Variants in CERS3 observed in about 807,000 individuals in gnomAD.
The protein encoded by CERS3 is LAG1 homolog, ceramide synthase 3.
CERS3 carries 33 observed loss-of-function variants against 50.3 expected under a neutral mutation model. The observed-to-expected ratio is 0.66, with a 90% CI of 0.50 to 0.88. The LOEUF (loss-of-function observed/expected upper bound fraction) is 0.88. Among genes scored for constraint, CERS3 ranks in the 40% least tolerant of loss-of-function variants. The probability of loss-of-function intolerance (pLI) is 0.00; values close to 1 mark genes in which losing one functional copy is unlikely to be tolerated. For synonymous variants in CERS3, 176 were observed against 155.2 expected (o/e 1.13, Z -0.99); for missense variants, 470 against 460.3 (o/e 1.02, Z -0.19).
chr15:100,470,567 G>C (rs1567642251), intron 9 of CERS3, among the ~76,000 whole-genome samples: 1 of 152,108 alleles, frequency 6.6e-6, no homozygotes, highest in Non-Finnish European at 1.5e-5. Context: ...GGGCTAGCTG[G>C]GTGGGAAGCA....
At chr15:100,410,178 T>C (rs1019485544) in intron 11 of CERS3, among the ~76,000 whole-genome samples, 129 of 152,296 alleles carry the variant, frequency 8.5e-4, no homozygotes, top group African/African-American at 3.1e-3. Flanking sequence ...CTTTTAGAAG[T>C]CTCTGCCCCC....
intron 11 of CERS3, among the ~76,000 whole-genome samples, chr15:100,425,256 C>T (rs937780056): frequency 3.3e-5 from 5 of 152,188 alleles, no homozygotes. Context: ...GCCACAGTCC[C>T]CCAGACCCCA....
chr15:100,418,829 C>G (rs931762767), intron 11 of CERS3, among the ~76,000 whole-genome samples: 5 of 148,878 alleles, frequency 3.4e-5, no homozygotes, highest in African/African-American at 1.2e-4. Context: ...TCCAGCCAAA[C>G]TAAGCTTCAT....
At chr15:100,512,052 A>G (rs4965666) in intron 2 of CERS3, among the ~76,000 whole-genome samples, 142 of 2,394 alleles carry the variant, frequency 0.059, 37 homozygotes, top group East Asian at 0.18. Flanking sequence ...TACATGCCCT[A>G]GAGAGGAGCA....
chr15:100,442,795 G>C (rs1240874703), intron 11 of CERS3, among the ~76,000 whole-genome samples: 1 of 152,220 alleles, frequency 6.6e-6, no homozygotes, highest in Non-Finnish European at 1.5e-5. Context: ...AAGCCCCCTA[G>C]ACCATCACGG....
chr15:100,513,928 C>T (rs934019267), intron 2 of CERS3, among the ~76,000 whole-genome samples: 1 of 152,338 alleles, frequency 6.6e-6, no homozygotes, highest in East Asian at 1.9e-4. Flanking sequence ...AGATCCTCAT[C>T]TAGTCTTTCC....
chr15:100,459,265 A>T (rs961625157), intron 10 of CERS3, among the ~76,000 whole-genome samples: 1 of 152,184 alleles, frequency 6.6e-6, no homozygotes, highest in African/African-American at 2.4e-5. Context: ...AATGTTCATT[A>T]TATTAGAAAG....
At chr15:100,503,824 TG>T in intron 2 of CERS3, 1 of 458,690 alleles carries the variant, frequency 2.2e-6, no homozygotes, top group Non-Finnish European at 4.5e-6. Context: ...GCCAGAGCAG[TG>T]GGGACCAGAG....
intron 11 of CERS3, among the ~76,000 whole-genome samples, chr15:100,430,806 T>G (rs1240360681): frequency 6.6e-6 from 1 of 152,222 alleles, no homozygotes; most frequent in East Asian, 1.9e-4. Context: ...GTTGACAAGG[T>G]CACAGAAAAA....
chr15:100,441,196 C>T (rs1464215037), intron 11 of CERS3, among the ~76,000 whole-genome samples: 1 of 152,042 alleles, frequency 6.6e-6, no homozygotes, highest in African/African-American at 2.4e-5. Context: ...CCTCTTATCT[C>T]TGCGCCCTGA....
At chr15:100,470,972 T>C (rs904121403) in intron 9 of CERS3, among the ~76,000 whole-genome samples, 1 of 152,162 alleles carries the variant, frequency 6.6e-6, no homozygotes, top group African/African-American at 2.4e-5. Flanking sequence ...TAGAACTTGA[T>C]TGTGAAAACA....
chr15:100,533,236 C>T (rs2036983520), upstream of CERS3, among the ~76,000 whole-genome samples: 1 of 152,200 alleles, frequency 6.6e-6, no homozygotes, highest in South Asian at 2.1e-4. Flanking sequence ...TCATTTTCCT[C>T]CACGTCACCT....
chr15:100,505,704 T>C (rs2036156022), intron 2 of CERS3, among the ~76,000 whole-genome samples: 1 of 152,198 alleles, frequency 6.6e-6, no homozygotes, highest in Non-Finnish European at 1.5e-5. Context: ...CAAAGCCTTG[T>C]TATATATCAA....
At chr15:100,411,088 C>T (rs1178352949) in intron 11 of CERS3, among the ~76,000 whole-genome samples, 2 of 152,176 alleles carry the variant, frequency 1.3e-5, no homozygotes, top group South Asian at 4.1e-4. Flanking sequence ...TTGTAATTGG[C>T]TTATTTCACT....
rs570559623 is a variant in CERS3, at chr15:100,469,669, G to A, written c.739-185C>T. Among the ~76,000 whole-genome samples, 14 of 152,198 alleles carry A rather than the reference G, an allele frequency of 9.2e-5. No homozygotes were observed. In the South Asian group the frequency reaches 2.3e-3, roughly 25 times the overall value. On this transcript the variant is annotated intron_variant, in intron 9 of 11. Coordinates refer to ENST00000679737, the MANE Select transcript of CERS3 (RefSeq NM_001378789.1). ...TATTGATAACTGCTAAAGCTGATGGGTCCATTATATGATTCCCTTTATCTT... is the reference window on the plus strand; with the variant it reads ...TATTGATAACTGCTAAAGCTGATGGATCCATTATATGATTCCCTTTATCTT...
chr15:100,483,234 T>C (rs2035368466), intron 5 of CERS3, among the ~76,000 whole-genome samples: 2 of 152,194 alleles, frequency 1.3e-5, no homozygotes, highest in African/African-American at 4.8e-5. Flanking sequence ...AAACATGATG[T>C]TGTATCTGCT....
chr15:100,516,896 CAA>C (rs1350987983), intron 2 of CERS3, among the ~76,000 whole-genome samples: 1 of 152,248 alleles, frequency 6.6e-6, no homozygotes, highest in Non-Finnish European at 1.5e-5. Flanking sequence ...CCTCAGCAAA[CAA>C]GAGTAGGATT....
Position 100,534,402 on chromosome 15 carries a change from A to G in CERS3, c.-354-5327T>C, listed in dbSNP as rs28674040. ...TGAATGAGTTAATATATTGAAAAGC[A>G]CTTAGAACAATACCTGGCTCAGAGC... On this transcript the variant is annotated intron_variant, in intron 1 of 12. Transcript: ENST00000284382. Among the ~76,000 whole-genome samples, 605 of 152,142 alleles carry G rather than the reference A, an allele frequency of 4.0e-3. 4 individuals carry two copies. Among genetic ancestry groups the G allele is most frequent in the African/African-American group, 0.014 (568 of 41,544 alleles).
intron 11 of CERS3, 90 bp from the exon 12 acceptor site, chr15:100,402,955 C>T: frequency 1.5e-6 from 2 of 1,310,936 alleles, no homozygotes; most frequent in Non-Finnish European, 2.1e-6. Flanking sequence ...AGTATGGCTC[C>T]CTTTAAGGAA....
Sources: gnomAD v4.1 joint callset for allele counts (sites outside exome capture counted in the v4.1 genomes callset) on GRCh38, gnomAD v4.1.1 for gene constraint, MANE v1.5 for transcripts, NCBI Gene and HGNC (gene_info 2026-07-23, HGNC 2026-07-21) for gene names.